TYW1B: variants seen among roughly 807,000 people sequenced by gnomAD.
TYW1B encodes tRNA-yW synthesizing protein 1 homolog B, also known as S-adenosyl-L-methionine-dependent tRNA 4-demethylwyosine synthase TYW1B.
A neutral mutation model predicts 86.9 loss-of-function variants in TYW1B; 73 were observed. The observed-to-expected ratio is 0.84, with a 90% CI of 0.70 to 1.02. The LOEUF (loss-of-function observed/expected upper bound fraction) is 1.02. TYW1B is among the 50% of genes least tolerant of loss of function. The pLI is 0.00. For missense variants in TYW1B, 637 were observed against 827.4 expected (o/e 0.77, Z 2.82); for synonymous variants, 248 against 292.8 (o/e 0.85, Z 1.56).
At chr7:72,808,746 C>T (rs1417530526) in intron 4 of TYW1B, among the ~76,000 whole-genome samples, 2 of 151,804 alleles carry the variant, frequency 1.3e-5, no homozygotes, top group Admixed American at 6.6e-5. Context: ...AGGCTGGGGT[C>T]GAACTCCCGA....
chr7:72,602,236 G>C, intron 13 of TYW1B, among the ~76,000 whole-genome samples: 1 of 152,110 alleles, frequency 6.6e-6, no homozygotes, highest in Non-Finnish European at 1.5e-5. Flanking sequence ...ATAGCGCTGT[G>C]CTCCAGGGTT....
chr7:72,779,578 A>C (rs1338000175), intron 6 of TYW1B, among the ~76,000 whole-genome samples: 3 of 151,946 alleles, frequency 2.0e-5, no homozygotes, highest in East Asian at 3.9e-4. Context: ...TTAGTCAGGC[A>C]TGGTGGCAGG....
intron 13 of TYW1B, among the ~76,000 whole-genome samples, chr7:72,582,935 T>G (rs1349880349): frequency 1.3e-5 from 2 of 152,084 alleles, no homozygotes; most frequent in African/African-American, 4.8e-5. Flanking sequence ...GTTCACGTGG[T>G]TATAATAATG....
At chr7:72,610,626 T>TTTGTTG (rs71517348) in intron 13 of TYW1B, among the ~76,000 whole-genome samples, 5 of 146,342 alleles carry the variant, frequency 3.4e-5, no homozygotes, top group Admixed American at 7.0e-5. Context: ...TTATAACAGG[T>TTTGTTG]TTGTTGTTGT....
At chr7:72,652,628 G>C (rs1388187505) in intron 11 of TYW1B, among the ~76,000 whole-genome samples, 1 of 152,044 alleles carries the variant, frequency 6.6e-6, no homozygotes, top group Non-Finnish European at 1.5e-5. Context: ...CTGGTGAGTT[G>C]AACTTACAGA....
At chr7:72,609,071 G>T (rs1346268834) in intron 13 of TYW1B, among the ~76,000 whole-genome samples, 5 of 152,112 alleles carry the variant, frequency 3.3e-5, no homozygotes, top group Admixed American at 1.3e-4. Flanking sequence ...TATCACTGGG[G>T]GAAACTACAT....
At chr7:72,714,301 A>C (rs1554455432) in intron 9 of TYW1B, among the ~76,000 whole-genome samples, 1 of 152,030 alleles carries the variant, frequency 6.6e-6, no homozygotes. Context: ...TTCATACTGG[A>C]ATCACCTGAG....
At chr7:72,666,981 G>A (rs1432540175) in intron 11 of TYW1B, among the ~76,000 whole-genome samples, 1 of 131,196 alleles carries the variant, frequency 7.6e-6, no homozygotes, top group Non-Finnish European at 1.5e-5. Flanking sequence ...GCAGTGAGCC[G>A]AGATCGCGCC....
chr7:72,589,560 A>G lies in TYW1B; in HGVS notation c.1786-13841T>C, dbSNP rs560777871. Among the ~76,000 whole-genome samples, 3 of 152,314 alleles carry G rather than the reference A, an allele frequency of 2.0e-5. No individual in the cohort carries two copies. In the East Asian group the frequency reaches 5.8e-4, roughly 29 times the overall value. ...GCCAGAAACAAAGGTGAACTGAGAA[A>G]GTGGTATGTATGAGGACACATCTAA... On this transcript the variant is annotated intron_variant, in intron 13 of 13. Coordinates refer to ENST00000620995, the MANE Select transcript of TYW1B (RefSeq NM_001145440.3).
At chr7:72,785,027 G>A (rs1554472207) in intron 6 of TYW1B, among the ~76,000 whole-genome samples, 1 of 151,408 alleles carries the variant, frequency 6.6e-6, no homozygotes, top group African/African-American at 2.4e-5. Flanking sequence ...AACTGTTTAG[G>A]GTTCCCCAAA....
chr7:72,715,107 T>G (rs1554455580), intron 9 of TYW1B, among the ~76,000 whole-genome samples: 1 of 152,070 alleles, frequency 6.6e-6, no homozygotes, highest in African/African-American at 2.4e-5. Flanking sequence ...CCTTGGAATC[T>G]TAAAATTCCC....
At chr7:72,696,969 C>G (rs1554451615) in intron 10 of TYW1B, among the ~76,000 whole-genome samples, 8 of 151,434 alleles carry the variant, frequency 5.3e-5, no homozygotes. Flanking sequence ...TGTCTCATCA[C>G]CCCTTTGCTG....
In TYW1B at chr7:72,620,605, C is replaced by T. The variant is rs1255527830; in HGVS notation, c.1618-3766G>A. Among the ~76,000 whole-genome samples, 9 of 152,214 alleles carry T rather than the reference C, an allele frequency of 5.9e-5. No individual in the cohort carries two copies. In the East Asian group the frequency reaches 1.5e-3, roughly 26 times the overall value. On this transcript the variant is annotated intron_variant, in intron 12 of 13. Coordinates refer to ENST00000620995, the MANE Select transcript of TYW1B (RefSeq NM_001145440.3). ...GCCCAATGGCTCTGTCTGGTTTTCT[C>T]TCTGCTGCGACTGCCCCACTTCATC...
intron 13 of TYW1B, among the ~76,000 whole-genome samples, chr7:72,607,709 A>G (rs1438365436): frequency 2.6e-5 from 4 of 152,130 alleles, no homozygotes; most frequent in African/African-American, 9.7e-5. Flanking sequence ...CTGTGGGACC[A>G]TAACAAAAAA....
Position 72,744,584 on chromosome 7 carries a change from T to A in TYW1B, c.982A>T (p.Arg328Trp). The part of the protein sequence containing the change: ...LTKQVDAPRE[R>W]SLLQTHILWN... ...AGAATGTGTGTTTGTAACAAGCTCCTCTCCCTCGGAGCATCGACTATGACA... is the reference window on the plus strand; with the variant it reads ...AGAATGTGTGTTTGTAACAAGCTCCACTCCCTCGGAGCATCGACTATGACA... Residue 328 changes from arginine to tryptophan, a missense_variant, in exon 8 of 14, where the codon AGG (arginine) becomes TGG (tryptophan). Transcript: ENST00000620995. 6.2e-7 allele frequency: 1 copy of A among 1,613,744 alleles called. No homozygotes were observed. Among genetic ancestry groups the A allele is most frequent in the Non-Finnish European group, 8.5e-7 (1 of 1,179,754 alleles).
rs548548876 is a variant in TYW1B at position 72,679,303 on chromosome 7, T to C, written c.1506+15384A>G. Among the ~76,000 whole-genome samples, 6 of 152,302 alleles carry C rather than the reference T, an allele frequency of 3.9e-5. No individual in the cohort carries two copies. In the East Asian group the frequency reaches 1.2e-3, roughly 29 times the overall value. On this transcript the variant is annotated intron_variant, in intron 11 of 13. Transcript: ENST00000620995. ...ACAGGTTAGTTCCGAAAGAAATTATTGCACATGTGCACAAAGAGACACTCT... is the reference window on the plus strand; with the variant it reads ...ACAGGTTAGTTCCGAAAGAAATTATCGCACATGTGCACAAAGAGACACTCT...
intron 10 of TYW1B, among the ~76,000 whole-genome samples, chr7:72,701,891 C>T (rs1316938896): frequency 6.6e-6 from 1 of 152,140 alleles, no homozygotes; most frequent in Non-Finnish European, 1.5e-5. Flanking sequence ...TCTCATCACC[C>T]AGGCAGGCAG....
intron 11 of TYW1B, among the ~76,000 whole-genome samples, chr7:72,667,435 C>A (rs553272051): frequency 1.3e-5 from 2 of 152,202 alleles, no homozygotes; most frequent in East Asian, 3.9e-4. Flanking sequence ...AAAGAGGAGG[C>A]CAGGCGCGGT....
At chr7:72,691,164 T>A (rs1814148587) in intron 11 of TYW1B, among the ~76,000 whole-genome samples, 1 of 150,942 alleles carries the variant, frequency 6.6e-6, no homozygotes, top group Non-Finnish European at 1.5e-5. Flanking sequence ...ATCTACTATG[T>A]CTTATAAGAT....
Sources: gnomAD v4.1 joint callset for allele counts (sites outside exome capture counted in the v4.1 genomes callset) on GRCh38, gnomAD v4.1.1 for gene constraint, MANE v1.5 for transcripts, NCBI Gene and HGNC (gene_info 2026-07-23, HGNC 2026-07-21) for gene names.